C21orf91: variants seen among roughly 807,000 people sequenced by gnomAD.
The protein encoded by C21orf91 is chromosome 21 open reading frame 91.
In C21orf91, 26 loss-of-function variants were observed where a neutral mutation model predicts 32.9. The ratio of observed to expected loss-of-function variants is 0.79; its 90% confidence interval spans 0.58 to 1.10. The LOEUF is 1.10. Ranked by LOEUF, C21orf91 falls within the 50% of genes least tolerant of loss-of-function variation. The pLI is 0.00. For missense variants in C21orf91, 310 were observed against 341.3 expected (o/e 0.91, Z 0.72); for synonymous variants, 126 against 120.4 (o/e 1.05, Z -0.31).
In C21orf91 at chr21:17,795,271, C is replaced by A. The variant is rs1434515249; in HGVS notation, c.665-1G>T. ...ACCTCACCAAGAGTCATCGAATTCA[C>A]TGAAACATGAAAATGTATTCACTAT... On this transcript the variant is annotated splice_acceptor_variant, in intron 3 of 4. Transcript: ENST00000284881. LOFTEE classifies it high-confidence loss of function. 2.5e-6 allele frequency: 4 copies of A among 1,600,932 alleles called. No homozygotes were observed. Among genetic ancestry groups the A allele is most frequent in the Non-Finnish European group, 3.4e-6 (4 of 1,168,476 alleles).
chr21:17,808,571 A>G (rs532744479), intron 2 of C21orf91, among the ~76,000 whole-genome samples: 1 of 152,334 alleles, frequency 6.6e-6, no homozygotes, highest in South Asian at 2.1e-4. Context: ...TTCACTGTGC[A>G]CCTGGAAAAG....
chr21:17,810,478 A>G (rs1237201174), intron 2 of C21orf91: 3 of 152,240 alleles, frequency 2.0e-5, no homozygotes, highest in East Asian at 1.9e-4. Context: ...ATTAATGAAC[A>G]CTTTCTTTTC....
chr21:17,812,708 C>A (rs1016256899), intron 2 of C21orf91, among the ~76,000 whole-genome samples: 1 of 152,020 alleles, frequency 6.6e-6, no homozygotes, highest in Non-Finnish European at 1.5e-5. Flanking sequence ...ACTCAGGAGG[C>A]TGAAGCAGGA....
At chr21:17,796,550 C>G in intron 3 of C21orf91, 32 bp downstream of exon 3, 1 of 1,561,890 alleles carries the variant, frequency 6.4e-7, no homozygotes, top group East Asian at 2.3e-5. Flanking sequence ...CCCAAACCAC[C>G]CAACTTTTAC....
Position 17,795,192 on chromosome 21 carries a change from T to A in C21orf91, c.727+16A>T. The A allele has an allele frequency of 6.4e-7, 1 of 1,574,512 alleles. No individual in the cohort carries two copies. Among genetic ancestry groups the A allele is most frequent in the Non-Finnish European group, 8.7e-7 (1 of 1,144,314 alleles). Reference sequence around the variant, plus strand: ...AAATTTGTCACACACAAAAAAGTACTGACAGTGATTCTTACCCTGGATTTG... The same window carrying A: ...AAATTTGTCACACACAAAAAAGTACAGACAGTGATTCTTACCCTGGATTTG... On this transcript the variant is annotated intron_variant, in intron 4 of 4. Coordinates refer to ENST00000284881, the MANE Select transcript of C21orf91 (RefSeq NM_001100420.2).
intron 2 of C21orf91, among the ~76,000 whole-genome samples, chr21:17,813,116 G>A (rs751775500): frequency 2.0e-5 from 3 of 152,204 alleles, no homozygotes; most frequent in Non-Finnish European, 4.4e-5. Context: ...AATACATGAT[G>A]TTTGCCATTA....
chr21:17,816,986 TTTTA>T (rs1441475511), intron 2 of C21orf91, among the ~76,000 whole-genome samples: 2 of 152,232 alleles, frequency 1.3e-5, no homozygotes, highest in African/African-American at 2.4e-5. Context: ...ATCCTTTTAT[TTTTA>T]TTTAATTTTT....
In C21orf91 at chr21:17,797,111, T is replaced by C. The variant is rs751618119; in HGVS notation, c.135A>G (p.Pro45=). Residue 45 remains proline, a synonymous_variant, in exon 3 of 5, where the codon CCA becomes CCG. Coordinates refer to ENST00000284881, the MANE Select transcript of C21orf91 (RefSeq NM_001100420.2). The part of the protein sequence containing the change: ...ICFELNIEGV[P]KSDLLHTKSL... ...ATTTGGTGTGCAAGAGATCAGACTT[T>C]GGTACCCCTATGGAAAAAAAAGAGA... 3.8e-6 allele frequency: 6 copies of C among 1,570,606 alleles called. No homozygotes were observed. The highest frequency in any genetic ancestry group is 2.4e-5 in the South Asian group (2 of 85,008).
chr21:17,793,654 T>C, intron 4 of C21orf91, 73 bp from the exon 5 acceptor site: 1 of 1,015,310 alleles, frequency 9.8e-7, no homozygotes, highest in Non-Finnish European at 1.5e-6. Flanking sequence ...TCAAGAACTC[T>C]AACTGAAATC....
rs573800558 is a variant in C21orf91, at chr21:17,808,359, T to C, written c.127+9833A>G. On this transcript the variant is annotated intron_variant, in intron 2 of 4. Coordinates refer to ENST00000284881, the MANE Select transcript of C21orf91 (RefSeq NM_001100420.2). ...CTCTACCTAGATTTCAGAGGATGTA[T>C]GGAAATGCCTGGATGTCCAGGCAGA... is the stretch of plus-strand genomic sequence containing the variant. 3.3e-5 allele frequency among the ~76,000 whole-genome samples: 5 copies of C among 152,280 alleles called. 1 individual carries two copies. The East Asian group carries it at 5.8e-4, about 18-fold the overall frequency.
At chr21:17,816,121 C>T (rs2146264855) in intron 2 of C21orf91, among the ~76,000 whole-genome samples, 1 of 152,236 alleles carries the variant, frequency 6.6e-6, no homozygotes, top group African/African-American at 2.4e-5. Context: ...ATATATAAAA[C>T]CTTGAATATA....
chr21:17,805,420 T>G (rs1216426373), intron 2 of C21orf91, among the ~76,000 whole-genome samples: 5 of 152,126 alleles, frequency 3.3e-5, no homozygotes, highest in African/African-American at 7.2e-5. Flanking sequence ...TTCAAGCGAT[T>G]CTCCTGCCTC....
intron 2 of C21orf91, among the ~76,000 whole-genome samples, chr21:17,799,812 A>G (rs1855713741): frequency 6.6e-6 from 1 of 152,318 alleles, no homozygotes; most frequent in African/African-American, 2.4e-5. Flanking sequence ...CCGGGCACAT[A>G]GTGGGTACTC....
intron 2 of C21orf91, among the ~76,000 whole-genome samples, chr21:17,799,358 T>A (rs1418282810): frequency 6.6e-6 from 1 of 152,166 alleles, no homozygotes; most frequent in Non-Finnish European, 1.5e-5. Context: ...CGAACTCACC[T>A]TACTGAACAC....
intron 2 of C21orf91, among the ~76,000 whole-genome samples, chr21:17,814,640 G>A (rs1490242551): frequency 6.6e-6 from 1 of 152,158 alleles, no homozygotes; most frequent in Non-Finnish European, 1.5e-5. Flanking sequence ...AGAGTAGGAG[G>A]AAGAGAGTGA....
chr21:17,791,210 G>T lies in C21orf91; in HGVS notation c.*2205C>A, dbSNP rs2062471142. 6.6e-6 allele frequency: 1 copy of T among 151,912 alleles called. No individual in the cohort carries two copies. Among genetic ancestry groups the T allele is most frequent in the African/African-American group, 2.4e-5 (1 of 41,370 alleles). 9.4% of individuals were successfully genotyped at this position (151,912 alleles called of 1,614,324 possible). ...GCTGTGCAAAATACTTCAACAAAAA[G>T]TTTTTTTTACTAGGAACTCATCCAA... On this transcript the variant is annotated 3_prime_UTR_variant, in exon 5 of 5. Coordinates refer to ENST00000284881, the MANE Select transcript of C21orf91 (RefSeq NM_001100420.2).
chr21:17,811,533 C>T (rs527494187), intron 2 of C21orf91: 132 of 152,210 alleles, frequency 8.7e-4, no homozygotes, highest in African/African-American at 3.1e-3. Flanking sequence ...GTCTATTATA[C>T]TTCATAAAGG....
At chr21:17,802,997 G>C (rs2062572271) in intron 2 of C21orf91, among the ~76,000 whole-genome samples, 1 of 152,170 alleles carries the variant, frequency 6.6e-6, no homozygotes, top group Non-Finnish European at 1.5e-5. Flanking sequence ...GTAGGAGATT[G>C]GAAAGCACTA....
chr21:17,815,111 C>A (rs1407015575), intron 2 of C21orf91, among the ~76,000 whole-genome samples: 1 of 152,152 alleles, frequency 6.6e-6, no homozygotes, highest in Non-Finnish European at 1.5e-5. Context: ...CCTTTGTCTT[C>A]ATTTTATAAA....
Sources: allele counts gnomAD v4.1 joint callset (sites outside exome capture counted in the v4.1 genomes callset), GRCh38; gene constraint gnomAD v4.1.1; transcripts MANE v1.5; gene names NCBI Gene and HGNC (gene_info 2026-07-23, HGNC 2026-07-21).